ANKRD17: variants seen among roughly 807,000 people sequenced by gnomAD.
ANKRD17 encodes ankyrin repeat domain 17.
Under a neutral mutation model 229.7 loss-of-function variants are expected in ANKRD17, and 19 were observed. The ratio of observed to expected loss-of-function variants is 0.08; its 90% confidence interval spans 0.06 to 0.12. The LOEUF is 0.12. Ranked by LOEUF, ANKRD17 falls within the 10% of genes least tolerant of loss-of-function variation. The pLI, the probability that ANKRD17 is intolerant of heterozygous loss-of-function variation, is 1.00. For synonymous variants in ANKRD17, 1,112 were observed against 1,146.1 expected, an observed-to-expected ratio of 0.97 and a Z score of 0.60; for missense variants, 2,176 against 3,176.8, an observed-to-expected ratio of 0.68 and a Z score of 7.57.
intron 24 of ANKRD17, among the ~76,000 whole-genome samples, chr4:73,112,090 T>A (rs1468524143): frequency 2.0e-5 from 3 of 152,080 alleles, no homozygotes; most frequent in African/African-American, 7.2e-5. Context: ...GCAAGGTGAC[T>A]AAGAGAAAGA....
At chr4:73,205,314 T>C (rs1739298853) in intron 1 of ANKRD17, among the ~76,000 whole-genome samples, 1 of 151,892 alleles carries the variant, frequency 6.6e-6, no homozygotes, top group Non-Finnish European at 1.5e-5. Flanking sequence ...TAAGACCATT[T>C]CTAAAAAAAA....
intron 24 of ANKRD17, among the ~76,000 whole-genome samples, chr4:73,107,149 T>C (rs777782123): frequency 3.2e-4 from 49 of 152,138 alleles, no homozygotes; most frequent in Non-Finnish European, 5.4e-4. Flanking sequence ...AGCTAATATA[T>C]AGAGGGTCTA....
At position 73,076,140 on chromosome 4, in the gene ANKRD17, T is replaced by C. The variant is rs573072284; in HGVS notation, c.*91A>G. ...TACACACTTCAGTCAAGCACATCAG[T>C]AGAATGATTTGGGAGCATAATTTTT... is the stretch of plus-strand genomic sequence containing the variant. On this transcript the variant is annotated 3_prime_UTR_variant, in exon 34 of 34. Coordinates refer to ENST00000358602, the MANE Select transcript of ANKRD17 (RefSeq NM_032217.5). 17 of 1,126,248 alleles carry C rather than the reference T, an allele frequency of 1.5e-5. No homozygotes were observed. The East Asian group carries it at 4.6e-4, about 30-fold the overall frequency. 69.8% of individuals were successfully genotyped at this position (1,126,248 alleles called of 1,614,324 possible).
chr4:73,110,613 T>C (rs1053274949), intron 24 of ANKRD17, among the ~76,000 whole-genome samples: 1 of 152,218 alleles, frequency 6.6e-6, no homozygotes, highest in African/African-American at 2.4e-5. Flanking sequence ...GAATGTAATA[T>C]ATCTCAAAAG....
chr4:73,091,647 A>G lies in ANKRD17; in HGVS notation c.5981T>C (p.Val1994Ala). ...AACTGTGACAAAAAGCTGCCTTCGGACAGAAGGTGAACTTGGACTGCCATT... is the reference window on the plus strand; with the variant it reads ...AACTGTGACAAAAAGCTGCCTTCGGGCAGAAGGTGAACTTGGACTGCCATT... Reference protein sequence around the residue: ...STNGSPSSPSVRRQLFVTVVK... With the variant: ...STNGSPSSPSARRQLFVTVVK... Residue 1994 changes from valine (V) to alanine (A), a missense_variant, in exon 29 of 34, where the codon GTC becomes GCC. Around this residue, in one of 18 missense-constraint regions of ANKRD17, gnomAD observed 424 missense variants for 454.0 expected, o/e 0.93. Coordinates refer to ENST00000358602, the MANE Select transcript of ANKRD17 (RefSeq NM_032217.5). The G allele has an allele frequency of 6.2e-7, 1 of 1,614,184 alleles. No homozygotes were observed. The highest frequency in any genetic ancestry group is 1.1e-5 in the South Asian group (1 of 91,086).
intron 2 of ANKRD17, among the ~76,000 whole-genome samples, chr4:73,171,208 A>G (rs535625748): frequency 1.1e-3 from 174 of 151,304 alleles, no homozygotes; most frequent in African/African-American, 4.0e-3. Context: ...AGAGAGAGAG[A>G]GAGAGAGAGA....
rs565618571 is a variant in ANKRD17 at position 73,193,344 on chromosome 4, A to C, written c.394-15811T>G. Among the ~76,000 whole-genome samples the C allele has an allele frequency of 5.3e-5, 8 of 152,346 alleles. No homozygotes were observed. In the South Asian group the frequency reaches 1.7e-3, roughly 32 times the overall value. On this transcript the variant is annotated intron_variant, in intron 1 of 33. Transcript: ENST00000358602. ...AACATTTAAATACACTACTTTATGCAGGCATGGTTTCACTTCTCTTAAATA... is the reference window on the plus strand; with the variant it reads ...AACATTTAAATACACTACTTTATGCCGGCATGGTTTCACTTCTCTTAAATA...
chr4:73,187,258 G>A (rs924730742), intron 1 of ANKRD17, among the ~76,000 whole-genome samples: 3 of 152,136 alleles, frequency 2.0e-5, no homozygotes, highest in Non-Finnish European at 1.5e-5. Context: ...TCTGAATTTA[G>A]AGAAAATATT....
chr4:73,235,199 T>G (rs558001184), intron 1 of ANKRD17, among the ~76,000 whole-genome samples: 1 of 152,276 alleles, frequency 6.6e-6, no homozygotes, highest in South Asian at 2.1e-4. Context: ...TGGGTAGAGG[T>G]GAGCCTTCCC....
At chr4:73,160,741 A>C (rs539880421) in intron 3 of ANKRD17, among the ~76,000 whole-genome samples, 167 of 152,338 alleles carry the variant, frequency 1.1e-3, no homozygotes, top group African/African-American at 3.8e-3. Flanking sequence ...ACTTCTTTTA[A>C]GACTTCAGAA....
chr4:73,093,376 CTTTT>C (rs11368928), intron 28 of ANKRD17, among the ~76,000 whole-genome samples: 1 of 112,838 alleles, frequency 8.9e-6, no homozygotes, highest in East Asian at 2.6e-4. Flanking sequence ...AACTCAAATT[CTTTT>C]TTTTTTTTTT....
intron 29 of ANKRD17, among the ~76,000 whole-genome samples, chr4:73,088,473 AT>A (rs1199648525): frequency 6.6e-6 from 1 of 152,062 alleles, no homozygotes; most frequent in African/African-American, 2.4e-5. Context: ...ATAGGAATTT[AT>A]TTTTTTGTTC....
intron 31 of ANKRD17, among the ~76,000 whole-genome samples, chr4:73,078,441 G>A (rs892893887): frequency 7.9e-5 from 12 of 152,102 alleles, no homozygotes; most frequent in Non-Finnish European, 1.6e-4. Context: ...GGGAGGCTGT[G>A]GCAGGAGAAT....
chr4:73,122,818 AT>A (rs567924161), intron 18 of ANKRD17, among the ~76,000 whole-genome samples: 172 of 152,226 alleles, frequency 1.1e-3, no homozygotes, highest in African/African-American at 3.9e-3. Context: ...GCGTTAGGCT[AT>A]TTTATAAACA....
chr4:73,171,597 A>C (rs756194080), intron 2 of ANKRD17, among the ~76,000 whole-genome samples: 9 of 152,242 alleles, frequency 5.9e-5, no homozygotes, highest in Non-Finnish European at 2.9e-5. Flanking sequence ...ATTCTGGAGA[A>C]ACACAGATAT....
At chr4:73,256,489 G>A (rs976500400) in intron 1 of ANKRD17, among the ~76,000 whole-genome samples, 1 of 152,116 alleles carries the variant, frequency 6.6e-6, no homozygotes, top group Non-Finnish European at 1.5e-5. Context: ...ATATCAGGAG[G>A]GTGATAAAAG....
chr4:73,167,980 G>A (rs898577772), intron 2 of ANKRD17, among the ~76,000 whole-genome samples: 9 of 151,866 alleles, frequency 5.9e-5, no homozygotes, highest in East Asian at 1.9e-4. Context: ...GCGAAACCCC[G>A]TCTGTACTAA....
At chr4:73,121,810 C>A in intron 18 of ANKRD17, 51 bp from the exon 19 acceptor site, 2 of 1,515,604 alleles carry the variant, frequency 1.3e-6, no homozygotes, top group African/African-American at 1.4e-5. Context: ...GACAAATTAC[C>A]AAAGTGTGTA....
At chr4:73,093,773 C>T (rs930630256) in intron 28 of ANKRD17, among the ~76,000 whole-genome samples, 2 of 152,112 alleles carry the variant, frequency 1.3e-5, no homozygotes, top group African/African-American at 4.8e-5. Context: ...GAAATGCGCT[C>T]CCTAAAAGTC....
Sources: allele counts gnomAD v4.1 joint callset (sites outside exome capture counted in the v4.1 genomes callset), GRCh38; gene constraint gnomAD v4.1.1; regional missense constraint gnomAD v4.1.1; transcripts MANE v1.5; gene names NCBI Gene and HGNC (gene_info 2026-07-23, HGNC 2026-07-21).